The following TBC1D19 variants were observed in gnomAD, a reference collection of about 807,000 sequenced individuals.
TBC1D19 encodes the protein TBC1 domain family, member 19.
In TBC1D19, 60 loss-of-function variants were observed where a neutral mutation model predicts 89.0. That is an observed-to-expected ratio of 0.67 (90% CI 0.55 to 0.84). The LOEUF is 0.84. TBC1D19 is among the 40% of genes least tolerant of loss of function. TBC1D19 has a pLI of 0.00. For missense variants in TBC1D19, 500 were observed against 610.8 expected (o/e 0.82, Z 1.91); for synonymous variants, 189 against 199.7 (o/e 0.95, Z 0.45).
chr4:26,708,042 C>T (rs1480618917), intron 13 of TBC1D19, among the ~76,000 whole-genome samples: 2 of 151,990 alleles, frequency 1.3e-5, no homozygotes, highest in Non-Finnish European at 2.9e-5. Context: ...ACCTTTGTTA[C>T]AATAGTATTA....
At chr4:26,635,810 T>A (rs1743084314) in intron 4 of TBC1D19, among the ~76,000 whole-genome samples, 1 of 152,010 alleles carries the variant, frequency 6.6e-6, no homozygotes, top group Non-Finnish European at 1.5e-5. Context: ...TGAGAAAAGT[T>A]TTAATGGAGG....
the TBC1D19 span, among the ~76,000 whole-genome samples, chr4:26,793,895 A>G: frequency 1.1e-4 from 17 of 152,202 alleles, no homozygotes; most frequent in African/African-American, 4.1e-4. Context: ...CAGAGGGACC[A>G]TCTTTCCAAT....
chr4:26,590,794 C>CCGTTTT lies in TBC1D19; in HGVS notation c.99+6502_99+6503insCGTTTT, dbSNP rs1560400025. 2.2e-4 allele frequency among the ~76,000 whole-genome samples: 7 copies of CCGTTTT among 31,760 alleles called. No homozygotes were observed. In the East Asian group the frequency reaches 8.1e-3, roughly 37 times the overall value. The allele number at this position is 31,760 out of a possible 152,430, so 20.8% of individuals were successfully genotyped here. On this transcript the variant is annotated intron_variant, in intron 1 of 20. Coordinates refer to ENST00000264866, the MANE Select transcript of TBC1D19 (RefSeq NM_018317.4). ...AAGGTTCACTCTTTGTCTTGCAGGT[C>CCGTTTT]TGTTTTTTTTTTTTTTTTTTTTTTT...
Position 26,638,850 on chromosome 4 carries a change from T to C in TBC1D19, c.433+16T>C. ...GATGAACCAGGTATGTGAACAATTT[T>C]TTCTGAATGTAGTAGTGGAAAAATA... On this transcript the variant is annotated intron_variant, in intron 6 of 20. Transcript: ENST00000264866. 6.3e-7 allele frequency: 1 copy of C among 1,592,896 alleles called. No individual in the cohort carries two copies. The highest frequency in any genetic ancestry group is 1.3e-5 in the African/African-American group (1 of 74,162).
chr4:26,818,188 A>T, the TBC1D19 span, among the ~76,000 whole-genome samples: 14 of 151,682 alleles, frequency 9.2e-5, no homozygotes, highest in African/African-American at 3.4e-4. Context: ...ACATCTTCAA[A>T]CGGTGTTGGA....
At position 26,636,960 on chromosome 4, in the gene TBC1D19, C is replaced by G. The variant is rs78734631; in HGVS notation, c.295-251C>G. The stretch of plus-strand genomic sequence containing the variant: ...ACATTTTAAAAAATCTGTCCTCATT[C>G]CCATCCTCAACTAAAATATCAGTTA... On this transcript the variant is annotated intron_variant, in intron 4 of 20. Coordinates refer to ENST00000264866, the MANE Select transcript of TBC1D19 (RefSeq NM_018317.4). Among the ~76,000 whole-genome samples, 1,466 of 152,110 alleles carry G rather than the reference C, an allele frequency of 9.6e-3. 30 individuals are homozygous for G. Among genetic ancestry groups the G allele is most frequent in the African/African-American group, 0.034 (1,401 of 41,484 alleles).
At chr4:26,672,743 G>A (rs1277914282) in intron 10 of TBC1D19, among the ~76,000 whole-genome samples, 1 of 151,910 alleles carries the variant, frequency 6.6e-6, no homozygotes, top group Non-Finnish European at 1.5e-5. Context: ...TGGTCTTTGT[G>A]TCAGAATGAA....
the TBC1D19 span, among the ~76,000 whole-genome samples, chr4:26,857,075 T>C: frequency 1.3e-5 from 2 of 152,222 alleles, no homozygotes; most frequent in Non-Finnish European, 2.9e-5. Context: ...TCATGTTTTA[T>C]TGGGTTTAGG....
the TBC1D19 span, chr4:26,857,790 G>A: frequency 3.3e-5 from 5 of 152,484 alleles, no homozygotes; most frequent in Admixed American, 3.3e-4. Context: ...GGGAGCGAGG[G>A]GAGAAGAGGG....
At chr4:26,647,041 A>G (rs536774558) in intron 7 of TBC1D19, among the ~76,000 whole-genome samples, 5 of 152,332 alleles carry the variant, frequency 3.3e-5, no homozygotes, top group African/African-American at 1.2e-4. Flanking sequence ...TCCCTGTTCT[A>G]GTAGTCCAGA....
At chr4:26,659,794 G>T in intron 8 of TBC1D19, 87 bp downstream of exon 8, 1 of 697,336 alleles carries the variant, frequency 1.4e-6, no homozygotes, top group Non-Finnish European at 2.2e-6. Flanking sequence ...AAAGCAATAG[G>T]GTAATCTACT....
At chr4:26,595,266 A>ATTTTTTTTTTTTTTTTTT (rs920054320) in intron 1 of TBC1D19, among the ~76,000 whole-genome samples, 1 of 152,162 alleles carries the variant, frequency 6.6e-6, no homozygotes, top group African/African-American at 2.4e-5. Flanking sequence ...TCTTTTGCCC[A>ATTTTTTTTTTTTTTTTTT]TTTTTTAATT....
chr4:26,643,538 C>T (rs1158267592), intron 7 of TBC1D19, among the ~76,000 whole-genome samples: 2 of 152,092 alleles, frequency 1.3e-5, no homozygotes, highest in Admixed American at 1.3e-4. Flanking sequence ...AGAGCAAACA[C>T]ATTCAAAAGC....
chr4:26,661,586 GC>G (rs1417831621), intron 8 of TBC1D19, among the ~76,000 whole-genome samples: 4 of 152,006 alleles, frequency 2.6e-5, no homozygotes, highest in African/African-American at 9.7e-5. Context: ...CCAAACTAAA[GC>G]AAAACCAAAC....
chr4:26,654,065 C>T (rs1353202967), intron 7 of TBC1D19, among the ~76,000 whole-genome samples: 1 of 152,156 alleles, frequency 6.6e-6, no homozygotes, highest in Non-Finnish European at 1.5e-5. Context: ...TTAGGGCAGG[C>T]CTGGTGGTGA....
At chr4:26,809,130 G>A in the TBC1D19 span, among the ~76,000 whole-genome samples, 6 of 152,164 alleles carry the variant, frequency 3.9e-5, 1 homozygote, top group Non-Finnish European at 8.8e-5. Flanking sequence ...TGAGTTTTCT[G>A]GCAGTGTAGA....
intron 13 of TBC1D19, among the ~76,000 whole-genome samples, chr4:26,691,622 G>T (rs976606888): frequency 3.3e-5 from 5 of 151,946 alleles, no homozygotes; most frequent in Non-Finnish European, 7.4e-5. Flanking sequence ...TTAATTTATG[G>T]CATGTATATT....
chr4:26,740,394 C>T (rs373354063), intron 17 of TBC1D19, among the ~76,000 whole-genome samples: 4 of 152,138 alleles, frequency 2.6e-5, no homozygotes, highest in South Asian at 2.1e-4. Flanking sequence ...AATAAATGGC[C>T]GTTGTTGTTA....
downstream of TBC1D19, among the ~76,000 whole-genome samples, chr4:26,758,078 TC>T (rs760561762): frequency 1.3e-5 from 2 of 152,010 alleles, no homozygotes; most frequent in Non-Finnish European, 2.9e-5. Context: ...CTCAAGGCCT[TC>T]CCCCAAAATT....
Sources: allele counts gnomAD v4.1 joint callset (sites outside exome capture counted in the v4.1 genomes callset), GRCh38; gene constraint gnomAD v4.1.1; transcripts MANE v1.5; gene names NCBI Gene and HGNC (gene_info 2026-07-23, HGNC 2026-07-21).